The following DRD3 variants were observed in gnomAD, a reference collection of about 807,000 sequenced individuals.
The protein encoded by DRD3 is dopamine receptor D3, also known as D(3) dopamine receptor.
In DRD3, 19 loss-of-function variants were observed where a neutral mutation model predicts 36.3. The ratio of observed to expected loss-of-function variants is 0.52; its 90% CI spans 0.36 to 0.77. DRD3 has a LOEUF of 0.77. Among genes scored for constraint, DRD3 ranks in the 30% least tolerant of loss-of-function variants. The probability of loss-of-function intolerance (pLI) is 0.00; values close to 1 mark genes in which losing one functional copy is unlikely to be tolerated. For synonymous variants in DRD3, 195 were observed against 203.7 expected (o/e 0.96, Z 0.36); for missense variants, 465 against 505.3 (o/e 0.92, Z 0.77).
intron 2 of DRD3, among the ~76,000 whole-genome samples, chr3:114,164,487 A>G (rs914596991): frequency 6.6e-6 from 1 of 151,980 alleles, no homozygotes. Flanking sequence ...GCATTCCCCA[A>G]ATTTACTGAT....
chr3:114,158,876 G>C (rs1373030792), intron 3 of DRD3, among the ~76,000 whole-genome samples: 1 of 152,162 alleles, frequency 6.6e-6, no homozygotes, highest in Non-Finnish European at 1.5e-5. Flanking sequence ...AGAGAACTCA[G>C]AGCAGGAATG....
intron 2 of DRD3, among the ~76,000 whole-genome samples, chr3:114,168,990 C>T (rs2077813329): frequency 6.6e-6 from 1 of 150,940 alleles, no homozygotes; most frequent in Non-Finnish European, 1.5e-5. Flanking sequence ...TCCTGGGGGC[C>T]CTCAAGCCTA....
chr3:114,167,362 C>T (rs2077795721), intron 2 of DRD3, among the ~76,000 whole-genome samples: 1 of 152,130 alleles, frequency 6.6e-6, no homozygotes, highest in Non-Finnish European at 1.5e-5. Flanking sequence ...AGAGGAAGCT[C>T]TGGAGTGCAG....
chr3:114,132,816 C>T (rs1338977207), intron 5 of DRD3, among the ~76,000 whole-genome samples: 2 of 152,136 alleles, frequency 1.3e-5, no homozygotes, highest in Non-Finnish European at 1.5e-5. Context: ...ACAATACTTA[C>T]CAGTTGCAAA....
intron 1 of DRD3, among the ~76,000 whole-genome samples, chr3:114,176,700 A>G (rs1358428540): frequency 1.3e-5 from 2 of 152,152 alleles, no homozygotes; most frequent in East Asian, 1.9e-4. Flanking sequence ...TTCCATGACC[A>G]CATCTTCACT....
chr3:114,196,115 T>A (rs983214365), intron 1 of DRD3, among the ~76,000 whole-genome samples: 2 of 152,234 alleles, frequency 1.3e-5, no homozygotes, highest in Non-Finnish European at 2.9e-5. Flanking sequence ...ACATAGGAAC[T>A]GTTTTTGTTG....
intron 3 of DRD3, among the ~76,000 whole-genome samples, chr3:114,150,779 G>C (rs942378663): frequency 1.3e-5 from 2 of 152,204 alleles, no homozygotes; most frequent in Non-Finnish European, 2.9e-5. Flanking sequence ...CGAAGGGATC[G>C]GGCAAGGCTT....
chr3:114,192,920 T>C (rs928506795), intron 1 of DRD3, among the ~76,000 whole-genome samples: 1 of 152,144 alleles, frequency 6.6e-6, no homozygotes, highest in African/African-American at 2.4e-5. Context: ...TATGCCCCCT[T>C]TTACCCCACT....
chr3:114,179,204 G>C (rs1024681235), upstream of DRD3, among the ~76,000 whole-genome samples: 1 of 152,008 alleles, frequency 6.6e-6, no homozygotes, highest in East Asian at 1.9e-4. Flanking sequence ...ATTTTGGTGG[G>C]TGTAAAGATG....
At chr3:114,190,655 C>A (rs561108316) in intron 1 of DRD3, among the ~76,000 whole-genome samples, 36 of 149,968 alleles carry the variant, frequency 2.4e-4, no homozygotes, top group Non-Finnish European at 5.2e-4. Flanking sequence ...ACTAATTTTA[C>A]CTGATATGCA....
At position 114,128,590 on chromosome 3, in the gene DRD3, A is replaced by T; in HGVS notation, c.*126T>A. ...ACACATCTGGTTATACCTGACAAGC[A>T]GGGACATCCTGGCTCCAGGAATCTT... On this transcript the variant is annotated 3_prime_UTR_variant, in exon 7 of 7. Coordinates refer to ENST00000383673, the MANE Select transcript of DRD3 (RefSeq NM_000796.6). 1.1e-6 allele frequency: 1 copy of T among 941,342 alleles called. No individual in the cohort carries two copies. Among genetic ancestry groups the T allele is most frequent in the Non-Finnish European group, 1.5e-6 (1 of 655,550 alleles). The allele number at this position is 941,342 out of a possible 1,614,324, so 58.3% of individuals were successfully genotyped here. A position where few individuals can be genotyped will look rare whatever the true frequency, so the allele number is the denominator to read the frequency against.
chr3:114,182,756 T>A (rs1435900975), upstream of DRD3, among the ~76,000 whole-genome samples: 1 of 152,186 alleles, frequency 6.6e-6, no homozygotes, highest in Non-Finnish European at 1.5e-5. Context: ...CTACTATATT[T>A]GTCTTTTTCA....
At chr3:114,140,095 C>T (rs1359715859) in intron 4 of DRD3, among the ~76,000 whole-genome samples, 2 of 152,170 alleles carry the variant, frequency 1.3e-5, no homozygotes, top group Non-Finnish European at 2.9e-5. Flanking sequence ...CAGAGGCTCC[C>T]AGGAGGGATG....
At chr3:114,183,200 G>C (rs1247173590), upstream of DRD3, among the ~76,000 whole-genome samples, 2 of 152,184 alleles carry the variant, frequency 1.3e-5, no homozygotes, top group African/African-American at 4.8e-5. Context: ...TTCTTTAAAA[G>C]TGTGTTGTTT....
intron 5 of DRD3, among the ~76,000 whole-genome samples, chr3:114,138,064 G>T (rs1313845063): frequency 6.6e-6 from 1 of 150,912 alleles, no homozygotes; most frequent in Non-Finnish European, 1.5e-5. Context: ...AGCTATTCGG[G>T]AGGCAGAGGC....
intron 1 of DRD3, among the ~76,000 whole-genome samples, chr3:114,188,189 G>GA (rs1357143627): frequency 1.3e-5 from 2 of 150,924 alleles, no homozygotes; most frequent in African/African-American, 4.9e-5. Flanking sequence ...ATTCATTAGG[G>GA]ATCAACATTT....
intron 5 of DRD3, among the ~76,000 whole-genome samples, chr3:114,135,986 C>T (rs528845993): frequency 2.5e-4 from 38 of 152,272 alleles, no homozygotes; most frequent in South Asian, 1.7e-3. Context: ...CCACCACACG[C>T]GGCCCCAAGA....
intron 3 of DRD3, among the ~76,000 whole-genome samples, chr3:114,158,476 AT>A (rs1489260704): frequency 1.3e-5 from 2 of 152,142 alleles, no homozygotes; most frequent in Admixed American, 6.5e-5. Flanking sequence ...GGAGTGCATT[AT>A]TTGCAGACAT....
chr3:114,129,057 C>G (rs975179629), intron 6 of DRD3, 145 bp from the exon 7 acceptor site: 1 of 852,396 alleles, frequency 1.2e-6, no homozygotes, highest in African/African-American at 1.7e-5. Flanking sequence ...TTATAACAAC[C>G]CTAGGCCGGG....
Sources: gnomAD v4.1 joint callset for allele counts (sites outside exome capture counted in the v4.1 genomes callset) on GRCh38, gnomAD v4.1.1 for gene constraint, MANE v1.5 for transcripts, NCBI Gene and HGNC (gene_info 2026-07-23, HGNC 2026-07-21) for gene names.